MIER3: variants seen among roughly 807,000 people sequenced by gnomAD.
MIER3 encodes the protein mesoderm induction early response protein 3.
A neutral mutation model predicts 63.2 loss-of-function variants in MIER3; 9 were observed. The ratio of observed to expected loss-of-function variants is 0.14; its 90% confidence interval spans 0.09 to 0.25. The LOEUF (loss-of-function observed/expected upper bound fraction) is 0.25. Ranked by LOEUF, MIER3 falls within the 10% of genes least tolerant of loss-of-function variation. MIER3 has a pLI of 1.00. For missense variants in MIER3, 512 were observed against 666.2 expected, an observed-to-expected ratio of 0.77 and a Z score of 2.55; for synonymous variants, 205 against 224.9, an observed-to-expected ratio of 0.91 and a Z score of 0.79.
chr5:56,951,816 T>C (rs1239260095), intron 1 of MIER3, among the ~76,000 whole-genome samples: 1 of 151,222 alleles, frequency 6.6e-6, no homozygotes, highest in Non-Finnish European at 1.5e-5. Context: ...CAGGGCTCAC[T>C]GCAGCCGGCC....
intron 5 of MIER3, among the ~76,000 whole-genome samples, chr5:56,936,369 A>C (rs780517483): frequency 6.6e-6 from 1 of 152,198 alleles, no homozygotes; most frequent in African/African-American, 2.4e-5. Context: ...ACAGAGTTGC[A>C]TATCAGGTCC....
intron 3 of MIER3, among the ~76,000 whole-genome samples, chr5:56,943,766 A>C (rs1232442082): frequency 6.6e-6 from 1 of 152,216 alleles, no homozygotes; most frequent in African/African-American, 2.4e-5. Context: ...TTCAAAATTG[A>C]ATTAGTAAGT....
chr5:56,945,161 A>T (rs1279394823), intron 3 of MIER3, among the ~76,000 whole-genome samples: 4 of 152,196 alleles, frequency 2.6e-5, no homozygotes, highest in Non-Finnish European at 5.9e-5. Context: ...TAGAAATAAG[A>T]ACTCTTTAAA....
chr5:56,929,017 T>A (rs981431704), intron 9 of MIER3, 156 bp from the exon 10 acceptor site: 50 of 452,346 alleles, frequency 1.1e-4, no homozygotes, highest in South Asian at 4.3e-4. Context: ...TCTCTCTCTC[T>A]CTCTCTCTCT....
At chr5:56,950,738 G>C in intron 1 of MIER3, 86 bp from the exon 2 acceptor site, 2 of 1,494,650 alleles carry the variant, frequency 1.3e-6, no homozygotes, top group Non-Finnish European at 1.8e-6. Flanking sequence ...AGGAGGCGGA[G>C]TCGAGCGCTC....
At chr5:56,932,659 T>A (rs778279362) in intron 8 of MIER3, among the ~76,000 whole-genome samples, 5 of 152,128 alleles carry the variant, frequency 3.3e-5, no homozygotes, top group Non-Finnish European at 5.9e-5. Flanking sequence ...CCATCCCCCA[T>A]CCCACATGTG....
chr5:56,924,263 T>TA (rs947321844), intron 10 of MIER3, among the ~76,000 whole-genome samples: 16 of 152,002 alleles, frequency 1.1e-4, no homozygotes, highest in South Asian at 6.2e-4. Flanking sequence ...GTTTTTTTTT[T>TA]AAAAAAATCA....
rs1170437959 is a variant in MIER3 at position 56,922,104 on chromosome 5, G to A, written c.*1024C>T. On this transcript the variant is annotated 3_prime_UTR_variant, in exon 13 of 13. Transcript: ENST00000381199. ...ATACTTCAAGGTTCTACTGCATTAGGTATAAAATCTAGAAGTCCCTCTAAA... is the reference window on the plus strand; with the variant it reads ...ATACTTCAAGGTTCTACTGCATTAGATATAAAATCTAGAAGTCCCTCTAAA... The A allele has an allele frequency of 2.0e-5, 3 of 152,574 alleles. No homozygotes were observed. Among genetic ancestry groups the A allele is most frequent in the East Asian group, 1.9e-4 (1 of 5,190 alleles). The allele number at this position is 152,574 out of a possible 1,614,324, so 9.5% of individuals were successfully genotyped here. A position where few individuals can be genotyped will look rare whatever the true frequency, so the allele number is the denominator to read the frequency against.
Position 56,920,599 on chromosome 5 carries a change from C to A in MIER3, c.*2529G>T, listed in dbSNP as rs560063777. Reference sequence around the variant, plus strand: ...TTCTTTTAATAAACAGTAACAAATTCTCTGTTAAGATGTTTAAACTGAGAG... The same window carrying A: ...TTCTTTTAATAAACAGTAACAAATTATCTGTTAAGATGTTTAAACTGAGAG... On this transcript the variant is annotated 3_prime_UTR_variant, in exon 13 of 13. Coordinates refer to ENST00000381199, the MANE Select transcript of MIER3 (RefSeq NM_001297599.2). 14 of 152,258 alleles carry A rather than the reference C, an allele frequency of 9.2e-5. No homozygotes were observed. The highest frequency in any genetic ancestry group is 2.6e-4 in the Admixed American group (4 of 15,264). The allele number at this position is 152,258 out of a possible 1,614,324, so 9.4% of individuals were successfully genotyped here.
chr5:56,928,991 T>TCTCTCTCACACACA (rs146870702), intron 9 of MIER3, 130 bp from the exon 10 acceptor site: 5 of 457,962 alleles, frequency 1.1e-5, no homozygotes, highest in African/African-American at 6.3e-5. Flanking sequence ...ACTCTCTCTC[T>TCTCTCTCACACACA]CACACACACA....
chr5:56,930,810 G>T (rs1383219990), intron 8 of MIER3, 65 bp from the exon 9 acceptor site: 8 of 1,306,244 alleles, frequency 6.1e-6, no homozygotes, highest in Non-Finnish European at 8.8e-6. Context: ...AAAAACAGGT[G>T]TAAGAGTTTT....
intron 9 of MIER3, 41 bp from the exon 10 acceptor site, chr5:56,928,902 TTTC>T (rs764242303): frequency 6.9e-7 from 1 of 1,444,600 alleles, no homozygotes; most frequent in African/African-American, 1.4e-5. Flanking sequence ...GCCCCCAAAT[TTTC>T]TTATGTGAAT....
chr5:56,935,442 T>G lies in MIER3; in HGVS notation c.581A>C (p.Asp194Ala). The G allele has an allele frequency of 6.3e-7, 1 of 1,592,158 alleles. No homozygotes were observed. Among genetic ancestry groups the G allele is most frequent in the South Asian group, 1.2e-5 (1 of 85,210 alleles). Reference sequence around the variant, plus strand: ...GCTTTCCTTACCTTTCTCATTACCATCGTACTCTCCAAGATAAGGGGGAAT... The same window carrying G: ...GCTTTCCTTACCTTTCTCATTACCAGCGTACTCTCCAAGATAAGGGGGAAT... ...AEIPPYLGEYDGNEKVYENED... is the reference protein window; with the variant it reads ...AEIPPYLGEYAGNEKVYENED... The change falls in exon 7 of 13, where the codon GAT becomes GCT. Residue 194 changes from aspartate (D) to alanine (A), a missense_variant. By Grantham distance (126) the Asp-to-Ala change is moderately radical. This residue lies in a region of MIER3 where 118 missense variants were observed against 133.6 expected (regional missense o/e 0.88). Transcript: ENST00000381199.
chr5:56,930,533 T>G, intron 9 of MIER3, 131 bp downstream of exon 9: 1 of 746,138 alleles, frequency 1.3e-6, no homozygotes, highest in East Asian at 2.5e-5. Flanking sequence ...GAAAAATTAT[T>G]TGCTATGGAG....
rs533023657 is a variant in MIER3, at chr5:56,943,750, A to T, written c.180+3176T>A. Among the ~76,000 whole-genome samples, 4 of 152,364 alleles carry T rather than the reference A, an allele frequency of 2.6e-5. No individual in the cohort carries two copies. In the East Asian group the frequency reaches 7.7e-4, roughly 29 times the overall value. ...CTTAAGTCCTTTAAAACATAAAAAC[A>T]ATTTTTTCAAAATTGAATTAGTAAG... On this transcript the variant is annotated intron_variant, in intron 3 of 12. Transcript: ENST00000381199.
At chr5:56,931,907 AG>A (rs1750280952) in intron 8 of MIER3, among the ~76,000 whole-genome samples, 1 of 152,228 alleles carries the variant, frequency 6.6e-6, no homozygotes, top group African/African-American at 2.4e-5. Flanking sequence ...AGAAAACCTG[AG>A]AAACACCTGA....
At chr5:56,926,736 T>C (rs1012570005) in intron 10 of MIER3, among the ~76,000 whole-genome samples, 2 of 152,124 alleles carry the variant, frequency 1.3e-5, no homozygotes, top group East Asian at 1.9e-4. Flanking sequence ...GACAAATGAA[T>C]TGAAAACCTA....
At chr5:56,949,280 C>T (rs1164237617) in intron 2 of MIER3, among the ~76,000 whole-genome samples, 1 of 152,122 alleles carries the variant, frequency 6.6e-6, no homozygotes, top group African/African-American at 2.4e-5. Context: ...ACAGCTTGAA[C>T]CTCAAAGGCG....
At position 56,946,942 on chromosome 5, in the gene MIER3, A is replaced by G. The variant is rs1332196445; in HGVS notation, c.164T>C (p.Ile55Thr). The change falls in exon 3 of 13, where the codon ATT becomes ACT. Residue 55 changes from isoleucine (I) to threonine (T), a missense_variant. This residue lies in a region of MIER3 where 98 missense variants were observed against 107.4 expected (regional missense o/e 0.91). Transcript: ENST00000381199. ...MDEGKNFSSEIEDLEKEGTMP... is the reference protein window; with the variant it reads ...MDEGKNFSSETEDLEKEGTMP... ...ATCTTATACCTTTTCTAAGTCTTCA[A>G]TTTCTGAACTGAAGTTTTTACCCTC... The G allele has an allele frequency of 6.3e-6, 10 of 1,584,284 alleles. No individual in the cohort carries two copies. The highest frequency in any genetic ancestry group is 8.6e-6 in the Non-Finnish European group (10 of 1,168,242).
Sources: gnomAD v4.1 joint callset for allele counts (sites outside exome capture counted in the v4.1 genomes callset) on GRCh38, gnomAD v4.1.1 for gene constraint, gnomAD v4.1.1 regional missense constraint, MANE v1.5 for transcripts, NCBI Gene and HGNC (gene_info 2026-07-23, HGNC 2026-07-21) for gene names.